The following PKD2L1 variants were observed in gnomAD, a reference collection of about 807,000 sequenced individuals.
PKD2L1 encodes polycystin-2-like protein 1.
Under a neutral mutation model 93.0 loss-of-function variants are expected in PKD2L1, and 77 were observed. The observed-to-expected ratio is 0.83, with a 90% CI of 0.69 to 1.00. The LOEUF (loss-of-function observed/expected upper bound fraction) is 1.00. Among genes scored for constraint, PKD2L1 ranks in the 50% least tolerant of loss-of-function variants. The pLI, the probability that PKD2L1 is intolerant of heterozygous loss-of-function variation, is 0.00. For missense variants in PKD2L1, 977 were observed against 990.9 expected (o/e 0.99, Z 0.19); for synonymous variants, 390 against 388.0 (o/e 1.01, Z -0.06).
chr10:100,328,222 G>A (rs1444502326), intron 2 of PKD2L1, among the ~76,000 whole-genome samples: 1 of 152,118 alleles, frequency 6.6e-6, no homozygotes, highest in African/African-American at 2.4e-5. Context: ...CATCTGTTTG[G>A]TCCAATTTTA....
At chr10:100,293,436 G>C in intron 9 of PKD2L1, 57 bp from the exon 10 acceptor site, 1 of 1,104,150 alleles carries the variant, frequency 9.1e-7, no homozygotes, top group East Asian at 2.4e-5. Flanking sequence ...AAAGGATTGA[G>C]CCCACTGACC....
intron 2 of PKD2L1, among the ~76,000 whole-genome samples, chr10:100,324,181 G>A (rs1849326521): frequency 6.6e-6 from 1 of 152,172 alleles, no homozygotes; most frequent in Non-Finnish European, 1.5e-5. Flanking sequence ...AATGAAAGGT[G>A]CAGAGATTTC....
At chr10:100,314,969 A>AAG (rs1564890991) in intron 2 of PKD2L1, among the ~76,000 whole-genome samples, 1 of 13,460 alleles carries the variant, frequency 7.4e-5, no homozygotes, top group African/African-American at 3.1e-4. Flanking sequence ...GAAAGAAGGA[A>AAG]GGAAGGAAGG....
intron 1 of PKD2L1, among the ~76,000 whole-genome samples, 191 bp from the exon 2 acceptor site, chr10:100,329,515 AC>A (rs1204375414): frequency 1.3e-5 from 2 of 152,182 alleles, no homozygotes; most frequent in African/African-American, 4.8e-5. Flanking sequence ...CCTGAGGTCG[AC>A]AGGGGTGAAG....
chr10:100,291,281 C>T lies in PKD2L1; in HGVS notation c.2007+20G>A. ...GAGCTATTTCCTTACACTGCCTCTC[C>T]ACCCATCAGCCCAGCTCACCCTCTC... On this transcript the variant is annotated intron_variant, in intron 12 of 15. Transcript: ENST00000318222. 1 of 1,610,506 alleles carries T rather than the reference C, an allele frequency of 6.2e-7. No homozygotes were observed. Among genetic ancestry groups the T allele is most frequent in the Non-Finnish European group, 8.5e-7 (1 of 1,178,144 alleles).
chr10:100,297,352 AG>A (rs1175520674), intron 5 of PKD2L1, 29 bp downstream of exon 5: 2 of 1,577,658 alleles, frequency 1.3e-6, no homozygotes, highest in South Asian at 2.2e-5. Context: ...AGCCATGGAC[AG>A]GGTGATAAAG....
chr10:100,325,665 A>G (rs1232743017), intron 2 of PKD2L1, among the ~76,000 whole-genome samples: 1 of 152,146 alleles, frequency 6.6e-6, no homozygotes, highest in Non-Finnish European at 1.5e-5. Context: ...ATTCCACAGG[A>G]CTTGGAGGTT....
intron 2 of PKD2L1, among the ~76,000 whole-genome samples, chr10:100,319,238 A>G (rs1029998001): frequency 6.6e-6 from 1 of 152,252 alleles, no homozygotes; most frequent in Non-Finnish European, 1.5e-5. Flanking sequence ...GCACTGTACT[A>G]CTAAATACCT....
intron 14 of PKD2L1, among the ~76,000 whole-genome samples, chr10:100,289,748 C>T (rs141376005): frequency 3.4e-4 from 52 of 152,120 alleles, no homozygotes; most frequent in Admixed American, 1.0e-3. Flanking sequence ...ATAAGCCACC[C>T]AGTCTATGAT....
intron 2 of PKD2L1, among the ~76,000 whole-genome samples, chr10:100,312,031 T>A (rs1428681818): frequency 1.3e-5 from 2 of 152,180 alleles, no homozygotes; most frequent in Non-Finnish European, 2.9e-5. Context: ...TTTGCTGCTA[T>A]CCCACCACAT....
chr10:100,293,737 T>G (rs892914185), intron 9 of PKD2L1, among the ~76,000 whole-genome samples: 10 of 152,182 alleles, frequency 6.6e-5, no homozygotes, highest in African/African-American at 2.4e-4. Flanking sequence ...TGATCTCTTT[T>G]TCATCTACCC....
chr10:100,297,548 T>C lies in PKD2L1; in HGVS notation c.790A>G (p.Ser264Gly). The C allele has an allele frequency of 1.2e-6, 2 of 1,614,114 alleles. No homozygotes were observed. The highest frequency in any genetic ancestry group is 1.3e-5 in the African/African-American group (1 of 75,038). ...GGFSHWGRLTSYSGGGYYLDL... is the reference protein window; with the variant it reads ...GGFSHWGRLTGYSGGGYYLDL... ...AGGTAGTAGCCACCTCCGCTGTAGCTTGTGAGCCTGCCCCAGTGGGAGAAG... is the reference window on the plus strand; with the variant it reads ...AGGTAGTAGCCACCTCCGCTGTAGCCTGTGAGCCTGCCCCAGTGGGAGAAG... The change falls in exon 5 of 16, where the codon AGC (serine) becomes GGC (glycine). Residue 264 changes from serine to glycine, a missense_variant. Transcript: ENST00000318222.
chr10:100,289,951 G>A (rs904160109), intron 14 of PKD2L1, 64 bp downstream of exon 14: 1 of 1,591,622 alleles, frequency 6.3e-7, no homozygotes, highest in Non-Finnish European at 8.6e-7. Flanking sequence ...CCCACCCACT[G>A]AGTGGAAAAG....
At chr10:100,300,423 G>A (rs1378733659) in intron 2 of PKD2L1, among the ~76,000 whole-genome samples, 1 of 151,982 alleles carries the variant, frequency 6.6e-6, no homozygotes, top group Non-Finnish European at 1.5e-5. Context: ...ACTTTACCCT[G>A]AAGAACTTGA....
Position 100,293,349 on chromosome 10 carries a change from A to G in PKD2L1, c.1690T>C (p.Tyr564His), listed in dbSNP as rs1473619023. ...GCCAGCTCCTCCTTGACCTCTGAAT[A>G]TGTGTCATTGATGATGGCCAGGAAC... ...NMFLAIINDT[Y>H]SEVKEELAGQ... The change falls in exon 10 of 16, where the codon TAT becomes CAT. Residue 564 changes from tyrosine (Y) to histidine (H), a missense_variant. Physicochemically the swap from Tyr to His is moderately conservative, Grantham distance 83. Coordinates refer to ENST00000318222, the MANE Select transcript of PKD2L1 (RefSeq NM_016112.3). The G allele has an allele frequency of 1.9e-6, 3 of 1,613,400 alleles. No individual in the cohort carries two copies. Among genetic ancestry groups the G allele is most frequent in the African/African-American group, 1.3e-5 (1 of 75,042 alleles).
intron 2 of PKD2L1, among the ~76,000 whole-genome samples, chr10:100,310,970 A>T (rs1371806762): frequency 6.6e-6 from 1 of 152,174 alleles, no homozygotes; most frequent in East Asian, 1.9e-4. Context: ...AGCTCAGGTA[A>T]TCTGCCCTCC....
rs74695939 is a variant in PKD2L1, at chr10:100,326,293, C to T, written c.349+2918G>A. ...TCATGATCGGCCCCTTCTTATAAGG[C>T]CAGACTTGTCGTCTTTTACCACTTT... On this transcript the variant is annotated intron_variant, in intron 2 of 15. Coordinates refer to ENST00000318222, the MANE Select transcript of PKD2L1 (RefSeq NM_016112.3). 2.1e-3 allele frequency among the ~76,000 whole-genome samples: 326 copies of T among 152,290 alleles called. 5 individuals are homozygous for T. In the East Asian group the frequency reaches 0.046, roughly 22 times the overall value.
chr10:100,311,379 C>G (rs1245318128), intron 2 of PKD2L1, among the ~76,000 whole-genome samples: 1 of 152,124 alleles, frequency 6.6e-6, no homozygotes, highest in Admixed American at 6.5e-5. Context: ...AACATGAGCT[C>G]TGATCCCTTT....
chr10:100,318,284 T>A (rs1041117857), intron 2 of PKD2L1, among the ~76,000 whole-genome samples: 1 of 152,212 alleles, frequency 6.6e-6, no homozygotes, highest in African/African-American at 2.4e-5. Context: ...TCCTATGTAA[T>A]GTCTCCCAGT....
Sources: allele counts gnomAD v4.1 joint callset (sites outside exome capture counted in the v4.1 genomes callset), GRCh38; gene constraint gnomAD v4.1.1; transcripts MANE v1.5; gene names NCBI Gene and HGNC (gene_info 2026-07-23, HGNC 2026-07-21).